The following ZNF385D variants were observed in gnomAD, a reference collection of about 807,000 sequenced individuals.
ZNF385D encodes zinc finger protein 385D, also known as zinc finger protein 659.
In ZNF385D, 15 loss-of-function variants were observed where a neutral mutation model predicts 35.8. That is an observed-to-expected ratio of 0.42 (90% CI 0.28 to 0.64). ZNF385D has a LOEUF of 0.64. Among genes scored for constraint, ZNF385D ranks in the 30% least tolerant of loss-of-function variants. The pLI is 0.23. For synonymous variants in ZNF385D, 212 were observed against 186.8 expected (o/e 1.13, Z -1.10); for missense variants, 474 against 494.6 (o/e 0.96, Z 0.39).
intron 2 of ZNF385D, among the ~76,000 whole-genome samples, chr3:22,206,048 T>A (rs1008443840): frequency 1.2e-4 from 18 of 151,966 alleles, no homozygotes; most frequent in African/African-American, 4.3e-4. Flanking sequence ...ACACTTTACC[T>A]GTAAGGACAC....
At chr3:22,102,537 C>A (rs1398105289) in intron 3 of ZNF385D, among the ~76,000 whole-genome samples, 1 of 152,004 alleles carries the variant, frequency 6.6e-6, no homozygotes, top group Non-Finnish European at 1.5e-5. Context: ...AAGGCTATCC[C>A]TTGAGTTCTG....
chr3:22,134,717 C>T (rs1174592865), intron 3 of ZNF385D, among the ~76,000 whole-genome samples: 1 of 152,272 alleles, frequency 6.6e-6, no homozygotes, highest in African/African-American at 2.4e-5. Context: ...GCACTAGAGG[C>T]TGAGAAGTCC....
intron 3 of ZNF385D, among the ~76,000 whole-genome samples, chr3:21,876,468 T>G (rs2125855742): frequency 6.6e-6 from 1 of 151,480 alleles, no homozygotes; most frequent in South Asian, 2.1e-4. Flanking sequence ...AAATTATATA[T>G]AATATATATA....
Position 22,215,187 on chromosome 3 carries a change from T to C in ZNF385D, c.107-46152A>G, listed in dbSNP as rs114183960. On this transcript the variant is annotated intron_variant, in intron 2 of 5. Transcript: ENST00000494108. Reference sequence around the variant, plus strand: ...TGGCGCCCATGTGGTCTTTCTTAACTGCACAAATTGTTCGTACAGCATGCG... The same window carrying C: ...TGGCGCCCATGTGGTCTTTCTTAACCGCACAAATTGTTCGTACAGCATGCG... Among the ~76,000 whole-genome samples, 188 of 152,098 alleles carry C rather than the reference T, an allele frequency of 1.2e-3. 1 individual carries two copies. Among genetic ancestry groups the C allele is most frequent in the African/African-American group, 4.3e-3 (178 of 41,518 alleles).
intron 3 of ZNF385D, among the ~76,000 whole-genome samples, chr3:21,761,404 T>C (rs2070602252): frequency 6.6e-6 from 1 of 152,174 alleles, no homozygotes; most frequent in South Asian, 2.1e-4. Flanking sequence ...ATAGTCTAGA[T>C]TTAACAATGA....
chr3:21,704,219 G>A lies in ZNF385D; in HGVS notation c.23-39191C>T, dbSNP rs540474781. 1.8e-4 allele frequency among the ~76,000 whole-genome samples: 27 copies of A among 152,240 alleles called. No homozygotes were observed. In the South Asian group the frequency reaches 5.2e-3, roughly 29 times the overall value. ...GCCTTGCTGCTGTAACTTAGCTAGTGGTTGGTTTGCCTACTCAGTCAGCCA... is the reference window on the plus strand; with the variant it reads ...GCCTTGCTGCTGTAACTTAGCTAGTAGTTGGTTTGCCTACTCAGTCAGCCA... On this transcript the variant is annotated intron_variant, in intron 1 of 7. Transcript: ENST00000281523.
intron 3 of ZNF385D, among the ~76,000 whole-genome samples, chr3:22,166,935 G>A (rs961154694): frequency 3.3e-5 from 5 of 152,242 alleles, no homozygotes; most frequent in African/African-American, 1.2e-4. Flanking sequence ...TGTACTTGAG[G>A]TGGTTTCACC....
chr3:22,259,880 T>G (rs1211986465), intron 2 of ZNF385D, among the ~76,000 whole-genome samples: 1 of 151,560 alleles, frequency 6.6e-6, no homozygotes, highest in African/African-American at 2.4e-5. Flanking sequence ...CCAAAAATAG[T>G]TCCCCCTCTC....
chr3:21,721,650 A>G (rs2125450166), intron 1 of ZNF385D, among the ~76,000 whole-genome samples: 1 of 152,312 alleles, frequency 6.6e-6, no homozygotes, highest in East Asian at 1.9e-4. Flanking sequence ...ATCATTTCAG[A>G]CTATTTTAAG....
chr3:22,136,154 C>T lies in ZNF385D; in HGVS notation c.325+32663G>A, dbSNP rs529693472. ...ATCCTAGCACTTTGGGAGGCCAAGGCGGATGGATCGCCTGAGCTCAGGAGT... is the reference window on the plus strand; with the variant it reads ...ATCCTAGCACTTTGGGAGGCCAAGGTGGATGGATCGCCTGAGCTCAGGAGT... On this transcript the variant is annotated intron_variant, in intron 3 of 5. Coordinates refer to the ZNF385D transcript ENST00000494108. 5.3e-5 allele frequency among the ~76,000 whole-genome samples: 8 copies of T among 152,198 alleles called. No homozygotes were observed. In the South Asian group the frequency reaches 8.3e-4, roughly 16 times the overall value.
intron 1 of ZNF385D, among the ~76,000 whole-genome samples, chr3:21,737,982 T>A (rs2069327879): frequency 6.6e-6 from 1 of 152,224 alleles, no homozygotes; most frequent in African/African-American, 2.4e-5. Flanking sequence ...AGTCACAATT[T>A]TGGAGAATTA....
Position 22,233,966 on chromosome 3 carries a change from T to G in ZNF385D, c.107-64931A>C, listed in dbSNP as rs1166188286. 3.3e-5 allele frequency among the ~76,000 whole-genome samples: 5 copies of G among 152,090 alleles called. No individual in the cohort carries two copies. The East Asian group carries it at 9.6e-4, about 29-fold the overall frequency. On this transcript the variant is annotated intron_variant, in intron 2 of 5. Coordinates refer to the ZNF385D transcript ENST00000494108. Reference sequence around the variant, plus strand: ...CTCTCCACTCTTCTATCTCCTAATCTGCAACCCAGAGTTCTACCTCAAAGT... The same window carrying G: ...CTCTCCACTCTTCTATCTCCTAATCGGCAACCCAGAGTTCTACCTCAAAGT...
chr3:21,711,039 G>GTTGTTTTTTTTTTTTT (rs2068082583), intron 1 of ZNF385D, among the ~76,000 whole-genome samples: 1 of 83,154 alleles, frequency 1.2e-5, no homozygotes. Flanking sequence ...CCCTCTAAAA[G>GTTGTTTTTTTTTTTTT]TTTTTTTTTT....
chr3:22,111,587 T>C (rs1702539757), intron 3 of ZNF385D, among the ~76,000 whole-genome samples: 1 of 152,144 alleles, frequency 6.6e-6, no homozygotes, highest in East Asian at 1.9e-4. Flanking sequence ...CTTGGCATTT[T>C]GTTCAACCAT....
intron 2 of ZNF385D, among the ~76,000 whole-genome samples, chr3:22,185,415 C>CT (rs1471997816): frequency 6.6e-6 from 1 of 152,174 alleles, no homozygotes; most frequent in African/African-American, 2.4e-5. Flanking sequence ...GTGGCAATCT[C>CT]TTTTTCCTAA....
At chr3:22,323,825 T>G (rs1283553965) in intron 2 of ZNF385D, among the ~76,000 whole-genome samples, 1 of 152,180 alleles carries the variant, frequency 6.6e-6, no homozygotes, top group African/African-American at 2.4e-5. Flanking sequence ...CATATTTACA[T>G]GTAACATTCA....
chr3:22,060,512 A>G (rs980885240), intron 3 of ZNF385D, among the ~76,000 whole-genome samples: 25 of 152,204 alleles, frequency 1.6e-4, no homozygotes, highest in African/African-American at 6.0e-4. Flanking sequence ...TACTTTGTCA[A>G]TAAGTTTTCA....
At chr3:22,058,018 G>A (rs555000541) in intron 3 of ZNF385D, among the ~76,000 whole-genome samples, 1 of 152,296 alleles carries the variant, frequency 6.6e-6, no homozygotes, top group South Asian at 2.1e-4. Flanking sequence ...ATAAATGAAT[G>A]AATGAATACA....
chr3:21,866,737 T>C (rs1481456800), intron 3 of ZNF385D, among the ~76,000 whole-genome samples: 1 of 152,174 alleles, frequency 6.6e-6, no homozygotes, highest in African/African-American at 2.4e-5. Context: ...ATTTTGCCTC[T>C]TTTCCCTCCA....
Sources: allele counts gnomAD v4.1 joint callset (sites outside exome capture counted in the v4.1 genomes callset), GRCh38; gene constraint gnomAD v4.1.1; transcripts MANE v1.5; gene names NCBI Gene and HGNC (gene_info 2026-07-23, HGNC 2026-07-21).